Variants in FMN1 observed in about 807,000 individuals in gnomAD.
The protein encoded by FMN1 is formin-1.
A neutral mutation model predicts 132.4 loss-of-function variants in FMN1; 110 were observed. The ratio of observed to expected loss-of-function variants is 0.83; its 90% CI spans 0.71 to 0.97. FMN1 has a LOEUF of 0.97. FMN1 is among the 50% of genes least tolerant of loss of function. The pLI, the probability that FMN1 is intolerant of heterozygous loss-of-function variation, is 0.00. For synonymous variants in FMN1, 722 were observed against 651.7 expected, an observed-to-expected ratio of 1.11 and a Z score of -1.64; for missense variants, 1,792 against 1,705.3, an observed-to-expected ratio of 1.05 and a Z score of -0.90.
chr15:32,805,349 G>A (rs939352648), intron 17 of FMN1, among the ~76,000 whole-genome samples: 1 of 152,034 alleles, frequency 6.6e-6, no homozygotes, highest in African/African-American at 2.4e-5. Context: ...ACTTTTCGAT[G>A]GGGTTGTTTT....
At chr15:33,099,114 A>G (rs915963254) in intron 4 of FMN1, among the ~76,000 whole-genome samples, 6 of 152,058 alleles carry the variant, frequency 3.9e-5, no homozygotes, top group African/African-American at 1.4e-4. Flanking sequence ...AACTCCATCT[A>G]CAAAAAAAAG....
intron 5 of FMN1, among the ~76,000 whole-genome samples, chr15:33,080,005 A>T (rs1214036024): frequency 6.6e-6 from 1 of 152,174 alleles, no homozygotes; most frequent in African/African-American, 2.4e-5. Context: ...TCTCTTACAC[A>T]TACACACTGA....
chr15:33,045,715 T>C (rs1259873385), intron 6 of FMN1, among the ~76,000 whole-genome samples: 2 of 152,178 alleles, frequency 1.3e-5, no homozygotes, highest in Non-Finnish European at 2.9e-5. Flanking sequence ...AGAAAGAAAC[T>C]GGTAGTAAAT....
At chr15:33,095,752 C>G (rs948678869) in intron 4 of FMN1, among the ~76,000 whole-genome samples, 13 of 151,998 alleles carry the variant, frequency 8.6e-5, no homozygotes, top group Admixed American at 4.6e-4. Flanking sequence ...TAACATTTTC[C>G]CTTTTATGTC....
intron 6 of FMN1, among the ~76,000 whole-genome samples, chr15:33,041,338 A>C (rs2036424351): frequency 6.6e-6 from 1 of 151,516 alleles, no homozygotes; most frequent in South Asian, 2.1e-4. Flanking sequence ...GTAACACAAT[A>C]ATGTCTACTA....
At chr15:32,783,002 GT>G (rs571236655) in intron 19 of FMN1, among the ~76,000 whole-genome samples, 2 of 4,406 alleles carry the variant, frequency 4.5e-4, no homozygotes, top group Non-Finnish European at 1.0e-3. Flanking sequence ...GGTGGGGAGA[GT>G]GGGGAAGACA....
intron 9 of FMN1, among the ~76,000 whole-genome samples, chr15:32,941,932 C>G (rs2061408660): frequency 6.6e-6 from 1 of 152,202 alleles, no homozygotes; most frequent in South Asian, 2.1e-4. Flanking sequence ...CTGAACTTGG[C>G]AGCACATGGC....
At chr15:33,168,624 C>T (rs1023896689) in intron 3 of FMN1, among the ~76,000 whole-genome samples, 1 of 152,108 alleles carries the variant, frequency 6.6e-6, no homozygotes, top group Non-Finnish European at 1.5e-5. Flanking sequence ...CAGTTTCTGC[C>T]ACAGGGGATA....
intron 17 of FMN1, among the ~76,000 whole-genome samples, chr15:32,845,889 T>C (rs370682761): frequency 1.3e-5 from 2 of 152,098 alleles, no homozygotes; most frequent in African/African-American, 2.4e-5. Flanking sequence ...TGGTTTCCCA[T>C]GTATGTTATC....
At chr15:33,096,759 T>C (rs961383754) in intron 4 of FMN1, among the ~76,000 whole-genome samples, 2 of 152,070 alleles carry the variant, frequency 1.3e-5, no homozygotes, top group Non-Finnish European at 2.9e-5. Flanking sequence ...TGCACCACCA[T>C]GCCCAGCTAT....
chr15:33,027,878 C>T (rs2035755319), intron 6 of FMN1, among the ~76,000 whole-genome samples: 1 of 152,170 alleles, frequency 6.6e-6, no homozygotes, highest in Non-Finnish European at 1.5e-5. Flanking sequence ...AATACAGTTG[C>T]TGCTCAAAGG....
At chr15:33,183,483 C>T (rs1432900534) in intron 2 of FMN1, among the ~76,000 whole-genome samples, 1 of 152,206 alleles carries the variant, frequency 6.6e-6, no homozygotes, top group African/African-American at 2.4e-5. Context: ...AGGACAGAGA[C>T]TGTGTGTTAC....
chr15:33,129,772 A>G (rs900029490), intron 4 of FMN1, among the ~76,000 whole-genome samples: 1 of 151,476 alleles, frequency 6.6e-6, no homozygotes, highest in African/African-American at 2.4e-5. Context: ...CTGACCAGAA[A>G]AGAGTTGACT....
rs1342057005 is a variant in FMN1 at position 33,154,089 on chromosome 15, C to T, written c.826G>A (p.Ala276Thr). The change falls in exon 4 of 21, where the codon GCA (alanine) becomes ACA (threonine). Residue 276 changes from alanine (A) to threonine (T), a missense_variant. Ala to Thr is a moderately conservative substitution (Grantham distance 58, BLOSUM62 0). Around this residue, in one of 3 missense-constraint regions of FMN1, gnomAD observed 638 missense variants for 645.2 expected, o/e 0.99. Coordinates refer to ENST00000616417, the MANE Select transcript of FMN1 (RefSeq NM_001277313.2). ...VLPPDCSSTE[A>T]GGDGIRRPPS... is the part of the protein sequence containing the mutation. ...GGCCTCCGAATGCCATCCCCTCCTG[C>T]CTCTGTGGAGCTGCAGTCAGGGGGC... The T allele has an allele frequency of 6.5e-7, 1 of 1,536,254 alleles. No homozygotes were observed.
chr15:33,129,812 A>T (rs1595543047), intron 4 of FMN1, among the ~76,000 whole-genome samples: 1 of 93,020 alleles, frequency 1.1e-5, no homozygotes, highest in African/African-American at 4.6e-5. Context: ...TTTTTTTTTG[A>T]GACAGAGTCT....
intron 19 of FMN1, among the ~76,000 whole-genome samples, chr15:32,794,252 G>A (rs74201093): frequency 0.061 from 9,265 of 152,274 alleles, 680 homozygotes; most frequent in East Asian, 0.39. Context: ...ATAGCTATGT[G>A]TGTAGTGAAA....
rs145773804 is a variant in FMN1 at position 33,100,968 on chromosome 15, C to T, written c.1868-11994G>A. Reference sequence around the variant, plus strand: ...TCAAGTATGAAATACAATTCTTACCCTGATTTTAAACACATAAAAGAGATC... The same window carrying T: ...TCAAGTATGAAATACAATTCTTACCTTGATTTTAAACACATAAAAGAGATC... On this transcript the variant is annotated intron_variant, in intron 4 of 20. Transcript: ENST00000616417. 3.3e-5 allele frequency among the ~76,000 whole-genome samples: 5 copies of T among 152,108 alleles called. No individual in the cohort carries two copies. In the East Asian group the frequency reaches 9.7e-4, roughly 29 times the overall value.
At chr15:33,163,847 A>G (rs1391016492) in intron 3 of FMN1, among the ~76,000 whole-genome samples, 1 of 151,452 alleles carries the variant, frequency 6.6e-6, no homozygotes, top group African/African-American at 2.4e-5. Context: ...CGAACTCCTG[A>G]CCTCAGGTGA....
At chr15:33,105,144 C>A (rs973292413) in intron 4 of FMN1, among the ~76,000 whole-genome samples, 15 of 151,864 alleles carry the variant, frequency 9.9e-5, no homozygotes, top group Admixed American at 9.2e-4. Flanking sequence ...CATTTTTTTC[C>A]CCTGGCTGTA....
Sources: gnomAD v4.1 joint callset for allele counts (sites outside exome capture counted in the v4.1 genomes callset) on GRCh38, gnomAD v4.1.1 for gene constraint, gnomAD v4.1.1 regional missense constraint, MANE v1.5 for transcripts, NCBI Gene and HGNC (gene_info 2026-07-23, HGNC 2026-07-21) for gene names.